The following PITPNM2 variants were observed in gnomAD, a reference collection of about 807,000 sequenced individuals.
PITPNM2 encodes phosphatidylinositol transfer protein membrane associated 2, also known as membrane-associated phosphatidylinositol transfer protein 2.
PITPNM2 carries 35 observed loss-of-function variants against 132.2 expected under a neutral mutation model. That is an observed-to-expected ratio of 0.26 (90% CI 0.20 to 0.35). The LOEUF (loss-of-function observed/expected upper bound fraction) is 0.35, where lower values mean the gene tolerates loss of function less well. Ranked by LOEUF, PITPNM2 falls within the 10% of genes least tolerant of loss-of-function variation. The pLI is 1.00. For synonymous variants in PITPNM2, 738 were observed against 799.2 expected (o/e 0.92, Z 1.29); for missense variants, 1,332 against 1,912.0 (o/e 0.70, Z 5.66).
At chr12:123,119,051 C>T (rs2042984045) in intron 1 of PITPNM2, among the ~76,000 whole-genome samples, 1 of 152,156 alleles carries the variant, frequency 6.6e-6, no homozygotes. Context: ...GCTCCCACTC[C>T]CAGATGTATC....
intron 2 of PITPNM2, among the ~76,000 whole-genome samples, chr12:123,069,652 C>T (rs1463221144): frequency 2.6e-5 from 4 of 152,158 alleles, no homozygotes; most frequent in African/African-American, 4.8e-5. Flanking sequence ...GGGCACCTTG[C>T]GCCCACTTTC....
Position 122,992,556 on chromosome 12 carries a change from A to C in PITPNM2, c.2347T>G (p.Phe783Val). ...LERRFHALPP[F>V]SVPRYQRYPL... The stretch of plus-strand genomic sequence containing the variant: ...TAGCGTTGGTAGCGGGGGACGCTGA[A>C]AGGCGGCAGGGCGTGAAAGCGCCGT... Residue 783 changes from phenylalanine to valine, a missense_variant, in exon 16 of 26, where the codon TTC becomes GTC. By Grantham distance (50) the Phe-to-Val change is conservative. Coordinates refer to ENST00000320201, the MANE Select transcript of PITPNM2 (RefSeq NM_020845.3). This position sits in a 1 kb window ranked among gnomAD's most constrained non-coding sequence, Gnocchi z 6.5. 1 of 1,611,614 alleles carries C rather than the reference A, an allele frequency of 6.2e-7. No individual in the cohort carries two copies. Among genetic ancestry groups the C allele is most frequent in the African/African-American group, 1.3e-5 (1 of 74,952 alleles).
chr12:122,988,477 A>G lies in PITPNM2; in HGVS notation c.2881-127T>C, dbSNP rs756152639. 34 of 841,932 alleles carry G rather than the reference A, an allele frequency of 4.0e-5. 1 individual carries two copies. The highest frequency in any genetic ancestry group is 6.0e-5 in the Non-Finnish European group (31 of 516,780). The allele number at this position is 841,932 out of a possible 1,614,324, so 52.2% of individuals were successfully genotyped here. A position where few individuals can be genotyped will look rare whatever the true frequency, so the allele number is the denominator to read the frequency against. On this transcript the variant is annotated intron_variant, in intron 19 of 25. Transcript: ENST00000320201. ...GGTTGTAGGGGGTGTTCTTCAACTC[A>G]CTACTGTCTGCCCAGTAGCCCTCAG...
At chr12:123,130,757 G>A (rs1187000588) in intron 1 of PITPNM2, among the ~76,000 whole-genome samples, 1 of 152,180 alleles carries the variant, frequency 6.6e-6, no homozygotes, top group Non-Finnish European at 1.5e-5. Flanking sequence ...TCCAGCCTGG[G>A]TGACAGAGCG....
rs1417661888 is a variant in PITPNM2 at position 123,004,215 on chromosome 12, C to G, written c.1048+179G>C. 6.6e-6 allele frequency among the ~76,000 whole-genome samples: 1 copy of G among 152,110 alleles called. No individual in the cohort carries two copies. The highest frequency in any genetic ancestry group is 1.5e-5 in the Non-Finnish European group (1 of 68,016). ...GGGAACAAGATGACCTCATCTCATCCTCTGTGCACTGCCCCAAACACCAGG... is the reference window on the plus strand; with the variant it reads ...GGGAACAAGATGACCTCATCTCATCGTCTGTGCACTGCCCCAAACACCAGG... On this transcript the variant is annotated intron_variant, in intron 8 of 25. Transcript: ENST00000320201. The surrounding 1 kb of genome is among the most constrained non-coding windows in gnomAD (Gnocchi z 4.9).
At chr12:123,019,829 T>C (rs1262194391) in intron 3 of PITPNM2, among the ~76,000 whole-genome samples, 1 of 152,156 alleles carries the variant, frequency 6.6e-6, no homozygotes, top group Non-Finnish European at 1.5e-5. Flanking sequence ...ATCATGTGAT[T>C]AGAAGACATG....
At chr12:122,987,926 G>A (rs775488514) in intron 20 of PITPNM2, 25 bp from the exon 21 acceptor site, 7 of 1,592,434 alleles carry the variant, frequency 4.4e-6, no homozygotes, top group Non-Finnish European at 6.0e-6. Flanking sequence ...GCAAGCCCAG[G>A]TCAGGGGGTC....
intron 3 of PITPNM2, among the ~76,000 whole-genome samples, chr12:123,027,429 T>C (rs1448616697): frequency 6.6e-6 from 1 of 152,040 alleles, no homozygotes; most frequent in African/African-American, 2.4e-5. Context: ...CTCAAAGTGC[T>C]CCACTAAAAG....
intron 2 of PITPNM2, among the ~76,000 whole-genome samples, chr12:123,094,648 G>A (rs1000590566): frequency 1.2e-4 from 18 of 152,168 alleles, no homozygotes; most frequent in South Asian, 4.1e-4. Flanking sequence ...ATAAATTACC[G>A]TCCTCCATCT....
chr12:123,135,583 T>C (rs1174305680), intron 1 of PITPNM2, among the ~76,000 whole-genome samples: 3 of 152,218 alleles, frequency 2.0e-5, no homozygotes, highest in Non-Finnish European at 4.4e-5. Context: ...TTGACTACTC[T>C]AGGTACCTTG....
intron 2 of PITPNM2, among the ~76,000 whole-genome samples, chr12:123,051,013 A>C (rs150959442): frequency 1.3e-4 from 20 of 152,348 alleles, no homozygotes; most frequent in Middle Eastern, 3.4e-3. Flanking sequence ...AAGCGATGCC[A>C]TTCTCATGTA....
intron 2 of PITPNM2, among the ~76,000 whole-genome samples, chr12:123,047,165 G>A (rs1045755701): frequency 2.2e-4 from 33 of 152,202 alleles, no homozygotes; most frequent in African/African-American, 6.8e-4. Flanking sequence ...ATGCGTGAAA[G>A]GTGGCTGCAC....
intron 1 of PITPNM2, among the ~76,000 whole-genome samples, chr12:123,119,267 C>A: frequency 6.6e-6 from 1 of 151,952 alleles, no homozygotes; most frequent in Non-Finnish European, 1.5e-5. Context: ...CAGCTTCTGC[C>A]TAAGCTTTGT....
rs916915320 is a variant in PITPNM2 at position 123,006,327 on chromosome 12, G to A, written c.644-779C>T. Among the ~76,000 whole-genome samples, 6 of 151,846 alleles carry A rather than the reference G, an allele frequency of 4.0e-5. No homozygotes were observed. In the South Asian group the frequency reaches 1.0e-3, roughly 26 times the overall value. The stretch of plus-strand genomic sequence containing the variant: ...GCTTTTAGTAGAATATATTATGCAC[G>A]TGAGATATATAAGAATATATTATAC... On this transcript the variant is annotated intron_variant, in intron 6 of 25. Coordinates refer to ENST00000320201, the MANE Select transcript of PITPNM2 (RefSeq NM_020845.3).
At chr12:123,048,338 T>C (rs1245494968) in intron 2 of PITPNM2, among the ~76,000 whole-genome samples, 1 of 150,932 alleles carries the variant, frequency 6.6e-6, no homozygotes, top group Non-Finnish European at 1.5e-5. Context: ...GTCAAATTCA[T>C]AGAGACAGAA....
At position 123,005,636 on chromosome 12, in the gene PITPNM2, GC is replaced by G; in HGVS notation, c.644-89del. On this transcript the variant is annotated intron_variant, in intron 6 of 25. Coordinates refer to ENST00000320201, the MANE Select transcript of PITPNM2 (RefSeq NM_020845.3). The surrounding 1 kb of genome is among the most constrained non-coding windows in gnomAD (Gnocchi z 6.2). The stretch of plus-strand genomic sequence containing the variant: ...ACGGAAGTGTGGGGCCCAGGCAGGG[GC>G]TTTGGGAGGCTGTACCCATGTTGCA... 1 of 1,309,130 alleles carries G rather than the reference GC, an allele frequency of 7.6e-7. No individual in the cohort carries two copies. Among genetic ancestry groups the G allele is most frequent in the Non-Finnish European group, 1.1e-6 (1 of 945,818 alleles). The allele number at this position is 1,309,130 out of a possible 1,614,324, so 81.1% of individuals were successfully genotyped here. A position where few individuals can be genotyped will look rare whatever the true frequency, so the allele number is the denominator to read the frequency against.
intron 2 of PITPNM2, among the ~76,000 whole-genome samples, chr12:123,069,518 A>G (rs1161381246): frequency 1.3e-5 from 2 of 152,126 alleles, no homozygotes; most frequent in African/African-American, 4.8e-5. Flanking sequence ...TGGGGTCCCT[A>G]TAGGCCTGGA....
At chr12:123,132,622 A>T (rs1015489964) in intron 1 of PITPNM2, among the ~76,000 whole-genome samples, 1 of 151,790 alleles carries the variant, frequency 6.6e-6, no homozygotes, top group Non-Finnish European at 1.5e-5. Context: ...CCACTTCCAG[A>T]GCATTTTCAT....
chr12:122,987,235 C>T (rs746105485), intron 23 of PITPNM2, 46 bp downstream of exon 23: 1 of 1,601,246 alleles, frequency 6.2e-7, no homozygotes, highest in South Asian at 1.1e-5. Flanking sequence ...GCCCCTGAGC[C>T]CACCCACCTT....
Sources: allele counts gnomAD v4.1 joint callset (sites outside exome capture counted in the v4.1 genomes callset), GRCh38; gene constraint gnomAD v4.1.1; non-coding constraint Gnocchi (gnomAD v3.1); transcripts MANE v1.5; gene names NCBI Gene and HGNC (gene_info 2026-07-23, HGNC 2026-07-21).